Variants in TAF4B observed in about 807,000 individuals in gnomAD.
TAF4B encodes transcription initiation factor TFIID subunit 4B.
Under a neutral mutation model 86.4 loss-of-function variants are expected in TAF4B, and 38 were observed. The ratio of observed to expected loss-of-function variants is 0.44; its 90% CI spans 0.34 to 0.58. The LOEUF is 0.58. Ranked by LOEUF, TAF4B falls within the 20% of genes least tolerant of loss-of-function variation. The pLI is 0.02. For synonymous variants in TAF4B, 388 were observed against 391.2 expected, an observed-to-expected ratio of 0.99 and a Z score of 0.10; for missense variants, 988 against 1,027.6, an observed-to-expected ratio of 0.96 and a Z score of 0.53.
At chr18:26,269,088 C>T (rs772776459) in intron 3 of TAF4B, among the ~76,000 whole-genome samples, 10 of 152,186 alleles carry the variant, frequency 6.6e-5, no homozygotes, top group Non-Finnish European at 1.3e-4. Flanking sequence ...TCCCAAAGTC[C>T]TGGGATTACA....
chr18:26,338,470 A>ATTT (rs764826705), intron 13 of TAF4B, among the ~76,000 whole-genome samples: 9,974 of 69,944 alleles, frequency 0.14, 518 homozygotes, highest in African/African-American at 0.16. Context: ...AAGAACTAGA[A>ATTT]TTTTTTTTTT....
chr18:26,283,858 C>A (rs928235647), intron 6 of TAF4B, among the ~76,000 whole-genome samples: 2 of 152,120 alleles, frequency 1.3e-5, no homozygotes, highest in Non-Finnish European at 2.9e-5. Flanking sequence ...CGAGACCAGC[C>A]TGGCCAACAT....
chr18:26,334,939 C>T (rs923805505), intron 12 of TAF4B, among the ~76,000 whole-genome samples: 9 of 152,068 alleles, frequency 5.9e-5, no homozygotes, highest in Non-Finnish European at 1.2e-4. Context: ...TGACTGACAT[C>T]GTTAGCATCA....
intron 14 of TAF4B, among the ~76,000 whole-genome samples, chr18:26,389,631 G>A (rs1050463985): frequency 6.6e-6 from 1 of 152,186 alleles, no homozygotes; most frequent in African/African-American, 2.4e-5. Context: ...CCATGCTGCA[G>A]GTGAGCAGGA....
chr18:26,302,745 G>A (rs143349677), intron 9 of TAF4B, among the ~76,000 whole-genome samples: 2 of 151,988 alleles, frequency 1.3e-5, no homozygotes, highest in African/African-American at 2.4e-5. Context: ...ATCCTGATTC[G>A]TTTTTCCCCA....
chr18:26,299,559 C>A (rs1032164770), intron 9 of TAF4B, among the ~76,000 whole-genome samples: 1 of 151,342 alleles, frequency 6.6e-6, no homozygotes, highest in Non-Finnish European at 1.5e-5. Context: ...TCATAGTCTT[C>A]CCCCCCTCCT....
intron 1 of TAF4B, among the ~76,000 whole-genome samples, chr18:26,234,183 C>G (rs974978492): frequency 6.6e-6 from 1 of 152,198 alleles, no homozygotes; most frequent in African/African-American, 2.4e-5. Flanking sequence ...TTGTTCCATA[C>G]CAAGGGTTCC....
rs760785442 is a variant in TAF4B at position 26,335,244 on chromosome 18, A to G, written c.2316+13A>G. ...GAAAGCCAAAGAGGTAGGACTTTCA[A>G]GTTACCATGCTTGTCTTTGTGTTTG... is the stretch of plus-strand genomic sequence containing the variant. On this transcript the variant is annotated intron_variant, in intron 13 of 14. Transcript: ENST00000269142. 1.2e-6 allele frequency: 2 copies of G among 1,611,784 alleles called. No individual in the cohort carries two copies. The highest frequency in any genetic ancestry group is 2.2e-5 in the East Asian group (1 of 44,850).
At chr18:26,383,902 T>C (rs1388148857) in intron 14 of TAF4B, among the ~76,000 whole-genome samples, 4 of 152,210 alleles carry the variant, frequency 2.6e-5, no homozygotes, top group Non-Finnish European at 5.9e-5. Context: ...ATTTTGAAGC[T>C]CAGTATTTTT....
intron 9 of TAF4B, among the ~76,000 whole-genome samples, chr18:26,308,629 T>A (rs1447982825): frequency 6.6e-6 from 1 of 152,018 alleles, no homozygotes; most frequent in African/African-American, 2.4e-5. Flanking sequence ...TCCGAGCACT[T>A]TGGGAGGCCG....
chr18:26,286,159 C>G lies in TAF4B; in HGVS notation c.1250C>G (p.Pro417Arg), dbSNP rs756840815. 1 of 1,614,166 alleles carries G rather than the reference C, an allele frequency of 6.2e-7. No individual in the cohort carries two copies. The highest frequency in any genetic ancestry group is 2.2e-5 in the East Asian group (1 of 44,892). Residue 417 changes from proline (P) to arginine (R), a missense_variant, in exon 7 of 15, where the codon CCA becomes CGA. By Grantham distance (103) the Pro-to-Arg change is moderately radical (BLOSUM62 -2). Transcript: ENST00000269142. ...AGVVTLHSVG[P>R]TAATGGTTAG... Reference sequence around the variant, plus strand: ...GTTGTGACACTTCATTCTGTGGGCCCAACTGCTGCAACAGGAGGAACAACA... The same window carrying G: ...GTTGTGACACTTCATTCTGTGGGCCGAACTGCTGCAACAGGAGGAACAACA...
At chr18:26,311,690 A>G (rs1242670215) in intron 9 of TAF4B, among the ~76,000 whole-genome samples, 1 of 152,212 alleles carries the variant, frequency 6.6e-6, no homozygotes, top group African/African-American at 2.4e-5. Context: ...AGCAAAGTCC[A>G]GAATCAGGAG....
Position 26,231,344 on chromosome 18 carries a change from G to GTTTTTTTTTTTTTTT in TAF4B, c.343+4068_343+4069insTTTTTTTTTTTTTTT, listed in dbSNP as rs1260610897. ...AGATGTGAGCCACCCAGCTGCTTGGGGTTTTTTTTTTTTTTTTTTTTTTTT... is the reference window on the plus strand; with the variant it reads ...AGATGTGAGCCACCCAGCTGCTTGGGTTTTTTTTTTTTTTTGTTTTTTTTTTTTTTTTTTTTTTTT... On this transcript the variant is annotated intron_variant, in intron 1 of 14. Transcript: ENST00000269142. Among the ~76,000 whole-genome samples the GTTTTTTTTTTTTTTT allele has an allele frequency of 3.3e-5, 2 of 60,788 alleles. 1 individual carries two copies. The allele number at this position is 60,788 out of a possible 152,430, so 39.9% of individuals were successfully genotyped here. A position where few individuals can be genotyped will look rare whatever the true frequency, so the allele number is the denominator to read the frequency against.
At chr18:26,349,004 C>CTA (rs2057222787) in intron 13 of TAF4B, 1 of 152,120 alleles carries the variant, frequency 6.6e-6, no homozygotes, top group East Asian at 1.9e-4. Flanking sequence ...CTCTAGGCAC[C>CTA]TATATATATG....
At chr18:26,347,902 C>A (rs369101277) in intron 13 of TAF4B, among the ~76,000 whole-genome samples, 1 of 152,104 alleles carries the variant, frequency 6.6e-6, no homozygotes, top group Non-Finnish European at 1.5e-5. Flanking sequence ...CAACACTGGA[C>A]CACTCAGATA....
chr18:26,322,061 AAAAT>A (rs146042843), intron 11 of TAF4B, among the ~76,000 whole-genome samples: 3 of 152,114 alleles, frequency 2.0e-5, no homozygotes, highest in African/African-American at 7.2e-5. Context: ...ACCTGAGTTG[AAAAT>A]AAATAAATAA....
intron 6 of TAF4B, among the ~76,000 whole-genome samples, chr18:26,285,061 G>A (rs1429294405): frequency 6.6e-6 from 1 of 151,564 alleles, no homozygotes; most frequent in Non-Finnish European, 1.5e-5. Context: ...TCAACCTCCT[G>A]GGTCCAAGTG....
intron 13 of TAF4B, among the ~76,000 whole-genome samples, chr18:26,342,326 T>C (rs904627923): frequency 1.3e-5 from 2 of 152,184 alleles, no homozygotes; most frequent in Admixed American, 6.5e-5. Flanking sequence ...TCCCATATTG[T>C]CTATATCATA....
At chr18:26,315,095 A>ACACTCTCT (rs765549230) in intron 9 of TAF4B, 134 bp from the exon 10 acceptor site, 4 of 220,334 alleles carry the variant, frequency 1.8e-5, no homozygotes, top group African/African-American at 1.1e-4. Context: ...GCTCTCTGAA[A>ACACTCTCT]CTCTCTCTCT....
Sources: allele counts gnomAD v4.1 joint callset (sites outside exome capture counted in the v4.1 genomes callset), GRCh38; gene constraint gnomAD v4.1.1; transcripts MANE v1.5; gene names NCBI Gene and HGNC (gene_info 2026-07-23, HGNC 2026-07-21).